Variants in IQGAP2 observed in about 807,000 individuals in gnomAD.
IQGAP2 encodes IQ motif containing GTPase activating protein 2.
IQGAP2 carries 173 observed loss-of-function variants against 201.3 expected under a neutral mutation model. The ratio of observed to expected loss-of-function variants is 0.86; its 90% CI spans 0.76 to 0.98. The LOEUF (loss-of-function observed/expected upper bound fraction) is 0.98. Among genes scored for constraint, IQGAP2 ranks in the 50% least tolerant of loss-of-function variants. The pLI is 0.00. For missense variants in IQGAP2, 1,687 were observed against 1,864.8 expected (o/e 0.90, Z 1.76); for synonymous variants, 675 against 673.9 (o/e 1.00, Z -0.03).
chr5:76,611,328 G>T, intron 13 of IQGAP2, 145 bp downstream of exon 13: 1 of 607,280 alleles, frequency 1.6e-6, no homozygotes, highest in Non-Finnish European at 2.8e-6. Flanking sequence ...AAATAATAGA[G>T]CTGTTATTTT....
chr5:76,535,270 C>G (rs1462782601), intron 2 of IQGAP2, among the ~76,000 whole-genome samples: 3 of 151,948 alleles, frequency 2.0e-5, no homozygotes, highest in African/African-American at 7.3e-5. Context: ...AATCTAGAAA[C>G]CTGTTGCAGT....
At chr5:76,435,345 G>T (rs1752595356) in intron 1 of IQGAP2, among the ~76,000 whole-genome samples, 1 of 152,078 alleles carries the variant, frequency 6.6e-6, no homozygotes, top group South Asian at 2.1e-4. Context: ...TTAGATTTAA[G>T]TCTTTGAGCC....
At chr5:76,690,611 A>G (rs1194152634) in intron 30 of IQGAP2, among the ~76,000 whole-genome samples, 1 of 152,222 alleles carries the variant, frequency 6.6e-6, no homozygotes, top group Non-Finnish European at 1.5e-5. Context: ...GAAATTTAAT[A>G]TGAGCCACAT....
intron 13 of IQGAP2, among the ~76,000 whole-genome samples, chr5:76,621,938 C>T (rs952821292): frequency 6.6e-6 from 1 of 152,172 alleles, no homozygotes; most frequent in South Asian, 2.1e-4. Flanking sequence ...GTCATGGATT[C>T]ATAGTTTCTG....
chr5:76,586,603 C>T (rs1379200361), intron 5 of IQGAP2, among the ~76,000 whole-genome samples: 2 of 151,948 alleles, frequency 1.3e-5, no homozygotes, highest in African/African-American at 4.8e-5. Context: ...TTGATAATAT[C>T]CTGTGGTGAT....
chr5:76,495,433 G>A (rs573292232), intron 2 of IQGAP2, among the ~76,000 whole-genome samples: 5 of 152,318 alleles, frequency 3.3e-5, no homozygotes, highest in African/African-American at 1.2e-4. Flanking sequence ...AGTTCCTGGA[G>A]GGCAGAGGGA....
At chr5:76,437,259 C>T (rs917157644) in intron 1 of IQGAP2, among the ~76,000 whole-genome samples, 12 of 151,986 alleles carry the variant, frequency 7.9e-5, no homozygotes, top group Non-Finnish European at 1.5e-4. Context: ...TGCCACATTG[C>T]CTAGGTTGGT....
intron 13 of IQGAP2, among the ~76,000 whole-genome samples, chr5:76,620,639 G>GCC (rs1749558174): frequency 6.6e-6 from 1 of 152,178 alleles, no homozygotes; most frequent in South Asian, 2.1e-4. Flanking sequence ...ATTTATTGTA[G>GCC]TCTGCATGGA....
chr5:76,458,722 C>T (rs749972303), intron 1 of IQGAP2, among the ~76,000 whole-genome samples: 3 of 152,134 alleles, frequency 2.0e-5, no homozygotes, highest in Non-Finnish European at 4.4e-5. Context: ...GCACATAGAA[C>T]CTACGAATTG....
At chr5:76,616,007 A>G (rs1436008763) in intron 13 of IQGAP2, 3 of 152,638 alleles carry the variant, frequency 2.0e-5, no homozygotes, top group Non-Finnish European at 4.4e-5. Context: ...ATTCAGCCAC[A>G]TAGTATTCAA....
At chr5:76,640,054 C>T (rs188704924) in intron 16 of IQGAP2, among the ~76,000 whole-genome samples, 5 of 152,274 alleles carry the variant, frequency 3.3e-5, no homozygotes, top group Non-Finnish European at 5.9e-5. Context: ...AAGCATCAGT[C>T]TGTTAAGATT....
intron 1 of IQGAP2, among the ~76,000 whole-genome samples, chr5:76,442,005 G>A (rs951749148): frequency 2.0e-4 from 30 of 152,148 alleles, no homozygotes; most frequent in African/African-American, 6.8e-4. Context: ...CGAGGGAATA[G>A]CCATGGGAGG....
intron 2 of IQGAP2, among the ~76,000 whole-genome samples, chr5:76,510,104 A>T (rs2150180860): frequency 6.7e-6 from 1 of 149,894 alleles, no homozygotes; most frequent in South Asian, 2.1e-4. Flanking sequence ...GATTCAAGTT[A>T]TTCTCCTGCC....
Position 76,546,304 on chromosome 5 carries a change from C to T in IQGAP2, c.147-16092C>T, listed in dbSNP as rs190577306. The stretch of plus-strand genomic sequence containing the variant: ...TACAAAAATTGGTCAGGTGTGGTGG[C>T]GTGTGCCTGTAATCTCAGCTATTCC... On this transcript the variant is annotated intron_variant, in intron 2 of 35. Transcript: ENST00000274364. Among the ~76,000 whole-genome samples, 285 of 152,180 alleles carry T rather than the reference C, an allele frequency of 1.9e-3. 1 individual carries two copies. The highest frequency in any genetic ancestry group is 3.0e-3 in the Admixed American group (46 of 15,288).
intron 28 of IQGAP2, 113 bp downstream of exon 28, chr5:76,677,463 T>G: frequency 1.2e-6 from 1 of 864,188 alleles, no homozygotes; most frequent in Non-Finnish European, 1.7e-6. Flanking sequence ...AATACTCATA[T>G]TCTTAACCCT....
At chr5:76,695,323 G>A in intron 31 of IQGAP2, 131 bp from the exon 32 acceptor site, 1 of 694,700 alleles carries the variant, frequency 1.4e-6, no homozygotes. Flanking sequence ...GGAAGAACAT[G>A]TTCTGGTTCT....
intron 13 of IQGAP2, chr5:76,623,152 G>A: frequency 6.2e-7 from 1 of 1,613,776 alleles, no homozygotes; most frequent in Non-Finnish European, 8.5e-7. Flanking sequence ...CCTACCCCCT[G>A]AGAAAATTGC....
chr5:76,423,184 A>G (rs918259749), intron 1 of IQGAP2, among the ~76,000 whole-genome samples: 22 of 152,230 alleles, frequency 1.4e-4, no homozygotes, highest in Non-Finnish European at 1.5e-5. Flanking sequence ...ATTTGGGAAA[A>G]AGAAGAATTT....
intron 1 of IQGAP2, among the ~76,000 whole-genome samples, chr5:76,422,170 C>A (rs763772534): frequency 3.9e-5 from 6 of 152,144 alleles, no homozygotes; most frequent in Non-Finnish European, 7.3e-5. Context: ...GGCCTGGGGG[C>A]TCTAGAATGG....
Sources: gnomAD v4.1 joint callset for allele counts (sites outside exome capture counted in the v4.1 genomes callset) on GRCh38, gnomAD v4.1.1 for gene constraint, MANE v1.5 for transcripts, NCBI Gene and HGNC (gene_info 2026-07-23, HGNC 2026-07-21) for gene names.